The following KLHDC4 variants were observed in gnomAD, a reference collection of about 807,000 sequenced individuals.
KLHDC4 encodes kelch domain-containing protein 4.
A neutral mutation model predicts 62.4 loss-of-function variants in KLHDC4; 90 were observed. That is an observed-to-expected ratio of 1.44 (90% CI 1.22 to 1.72). The LOEUF (loss-of-function observed/expected upper bound fraction) is 1.72. KLHDC4 is among the 40% of genes most tolerant of loss of function. The probability of loss-of-function intolerance (pLI) is 0.00; values close to 1 mark genes in which losing one functional copy is unlikely to be tolerated. For synonymous variants in KLHDC4, 386 were observed against 284.4 expected (o/e 1.36, Z -3.59); for missense variants, 1,025 against 699.7 (o/e 1.47, Z -5.25).
At chr16:87,732,366 G>T (rs952644924) in intron 5 of KLHDC4, among the ~76,000 whole-genome samples, 1 of 152,096 alleles carries the variant, frequency 6.6e-6, no homozygotes, top group African/African-American at 2.4e-5. Flanking sequence ...AAAGTGCTGG[G>T]ATTACAGGCA....
downstream of KLHDC4, among the ~76,000 whole-genome samples, chr16:87,705,157 C>G (rs2034513191): frequency 6.6e-6 from 1 of 152,246 alleles, no homozygotes; most frequent in South Asian, 2.1e-4. Context: ...GAACGTGGCA[C>G]CGAGTACGGC....
At chr16:87,749,655 C>A (rs2043609028) in intron 4 of KLHDC4, among the ~76,000 whole-genome samples, 1 of 152,058 alleles carries the variant, frequency 6.6e-6, no homozygotes, top group South Asian at 2.1e-4. Context: ...GCCATCATCA[C>A]TCACTGCAGC....
At chr16:87,752,148 T>C (rs1188706831) in intron 4 of KLHDC4, among the ~76,000 whole-genome samples, 2 of 141,360 alleles carry the variant, frequency 1.4e-5, no homozygotes, top group African/African-American at 5.3e-5. Flanking sequence ...GGCTCACGCC[T>C]GTAATCCCAG....
At chr16:87,700,941 C>T (rs1164298970) in exon 1 of KLHDC4, 1 of 245,546 alleles carries the variant, frequency 4.1e-6, no homozygotes, top group African/African-American at 2.4e-5. Flanking sequence ...GTTGGCTTCT[C>T]TCGCGCCCAG....
intron 10 of KLHDC4, 51 bp from the exon 11 acceptor site, chr16:87,708,517 G>T (rs376881884): frequency 2.8e-5 from 40 of 1,427,096 alleles, no homozygotes; most frequent in Non-Finnish European, 3.7e-5. Flanking sequence ...TGAGGCAGGT[G>T]GGGGAGGCTG....
intron 1 of KLHDC4, chr16:87,765,061 C>G (rs2046430860): frequency 2.2e-6 from 1 of 453,756 alleles, no homozygotes; most frequent in Non-Finnish European, 4.4e-6. Context: ...TGCTACGGAA[C>G]TGACCTGCTC....
intron 6 of KLHDC4, 73 bp downstream of exon 6, chr16:87,730,479 G>C (rs2040151211): frequency 8.0e-7 from 1 of 1,255,820 alleles, no homozygotes; most frequent in Non-Finnish European, 1.1e-6. Context: ...TGTGTATTCA[G>C]AATGCTCTTT....
chr16:87,725,811 G>A (rs1418728169), intron 7 of KLHDC4, among the ~76,000 whole-genome samples: 1 of 152,162 alleles, frequency 6.6e-6, no homozygotes, highest in African/African-American at 2.4e-5. Context: ...AGAGCAGGAG[G>A]CTCCGGGGTG....
chr16:87,762,046 G>GC lies in KLHDC4; in HGVS notation c.100-7dup. On this transcript the variant is annotated splice_polypyrimidine_tract_variant and splice_region_variant and intron_variant, in intron 1 of 11. Transcript: ENST00000270583. ...ATGAGCGCTTCCAGGTCTTCCTAGG[G>GC]CAAGCAAGCAGGCACACGTGAGACT... The GC allele has an allele frequency of 6.2e-7, 1 of 1,613,002 alleles. No homozygotes were observed. Among genetic ancestry groups the GC allele is most frequent in the Non-Finnish European group, 8.5e-7 (1 of 1,179,512 alleles).
intron 2 of KLHDC4, among the ~76,000 whole-genome samples, chr16:87,757,067 G>C (rs373793322): frequency 6.6e-6 from 1 of 151,762 alleles, no homozygotes; most frequent in Non-Finnish European, 1.5e-5. Context: ...TGCCCACCTC[G>C]GCCTCCCACA....
intron 5 of KLHDC4, 119 bp downstream of exon 5, chr16:87,748,554 G>A (rs1597317957): frequency 2.3e-6 from 3 of 1,303,258 alleles, no homozygotes; most frequent in African/African-American, 1.5e-5. Flanking sequence ...TGGGCTCCAG[G>A]ACTGTGACCC....
chr16:87,725,521 T>A (rs947966688), intron 7 of KLHDC4, among the ~76,000 whole-genome samples: 1 of 152,208 alleles, frequency 6.6e-6, no homozygotes, highest in Non-Finnish European at 1.5e-5. Context: ...GTGTTCCCCG[T>A]AAAATTCTTT....
intron 5 of KLHDC4, among the ~76,000 whole-genome samples, chr16:87,740,402 C>G (rs1333542702): frequency 6.6e-6 from 1 of 152,128 alleles, no homozygotes; most frequent in African/African-American, 2.4e-5. Context: ...AGGGGAAACC[C>G]TACTTTGGGG....
exon 1 of KLHDC4, chr16:87,698,628 G>A (rs1459212859): frequency 6.6e-6 from 1 of 152,244 alleles, no homozygotes; most frequent in Non-Finnish European, 1.5e-5. Flanking sequence ...GAGGGCAGAG[G>A]GCAAAGCCAC....
At chr16:87,718,293 C>G (rs1375720300) in intron 7 of KLHDC4, among the ~76,000 whole-genome samples, 1 of 128,040 alleles carries the variant, frequency 7.8e-6, no homozygotes, top group African/African-American at 3.1e-5. Context: ...CGCTCTCCCT[C>G]TCCCTCTCCC....
chr16:87,736,094 C>T (rs954743736), intron 5 of KLHDC4, among the ~76,000 whole-genome samples: 1 of 152,228 alleles, frequency 6.6e-6, no homozygotes, highest in Non-Finnish European at 1.5e-5. Context: ...GGAAACAACA[C>T]ATCATTAGGC....
chr16:87,714,703 C>A, intron 7 of KLHDC4, 130 bp from the exon 8 acceptor site: 1 of 931,640 alleles, frequency 1.1e-6, no homozygotes, highest in Non-Finnish European at 1.7e-6. Flanking sequence ...CCCAAAGCTC[C>A]AAAGCGTGCC....
At chr16:87,702,301 G>A in exon 14 of KLHDC4, 1 of 456,306 alleles carries the variant, frequency 2.2e-6, no homozygotes, top group Non-Finnish European at 4.4e-6. Context: ...GGGCCGGTCT[G>A]CCGGGGGCTC....
chr16:87,717,443 A>G (rs1407289675), intron 7 of KLHDC4, among the ~76,000 whole-genome samples: 3 of 152,244 alleles, frequency 2.0e-5, no homozygotes, highest in Non-Finnish European at 4.4e-5. Context: ...CAGAGACTTC[A>G]TATTTCCACC....
Sources: allele counts gnomAD v4.1 joint callset (sites outside exome capture counted in the v4.1 genomes callset), GRCh38; gene constraint gnomAD v4.1.1; transcripts MANE v1.5; gene names NCBI Gene and HGNC (gene_info 2026-07-23, HGNC 2026-07-21).